The following CLIC6 variants were observed in gnomAD, a reference collection of about 807,000 sequenced individuals.
CLIC6 encodes the protein CLIC family member 6.
In CLIC6, 39 loss-of-function variants were observed where a neutral mutation model predicts 49.2. The ratio of observed to expected loss-of-function variants is 0.79; its 90% CI spans 0.61 to 1.04. The LOEUF (loss-of-function observed/expected upper bound fraction) is 1.04. Ranked by LOEUF, CLIC6 falls within the 50% of genes least tolerant of loss-of-function variation. CLIC6 has a pLI of 0.00. For missense variants in CLIC6, 988 were observed against 993.1 expected (o/e 0.99, Z 0.07); for synonymous variants, 446 against 433.4 (o/e 1.03, Z -0.36).
chr21:34,694,135 A>ATT (rs57210806), intron 1 of CLIC6, among the ~76,000 whole-genome samples: 2,564 of 128,384 alleles, frequency 0.02, 93 homozygotes, highest in African/African-American at 0.062. Flanking sequence ...CGCCTGGTTA[A>ATT]TTTTTTTTTT....
chr21:34,711,203 T>G (rs2056054097), intron 5 of CLIC6, among the ~76,000 whole-genome samples: 1 of 152,188 alleles, frequency 6.6e-6, no homozygotes, highest in African/African-American at 2.4e-5. Flanking sequence ...CATGGACTGT[T>G]TGTTCTAATA....
chr21:34,688,566 C>CA (rs1989927838), intron 1 of CLIC6, among the ~76,000 whole-genome samples: 2 of 152,222 alleles, frequency 1.3e-5, no homozygotes, highest in African/African-American at 4.8e-5. Context: ...TGCTCCACCT[C>CA]AGGTAGCTCC....
chr21:34,669,955 C>G lies in CLIC6; in HGVS notation c.567C>G (p.Ser189Arg). 4.4e-6 allele frequency: 6 copies of G among 1,365,642 alleles called. No individual in the cohort carries two copies. Among genetic ancestry groups the G allele is most frequent in the Non-Finnish European group, 5.6e-6 (6 of 1,069,328 alleles). The allele number at this position is 1,365,642 out of a possible 1,614,324, so 84.6% of individuals were successfully genotyped here. A position where few individuals can be genotyped will look rare whatever the true frequency, so the allele number is the denominator to read the frequency against. The change falls in exon 1 of 6, where the codon AGC becomes AGG. Residue 189 changes from serine (S) to arginine (R), a missense_variant. This residue lies in a region of CLIC6 where 57 missense variants were observed against 117.6 expected (regional missense o/e 0.48). Transcript: ENST00000349499. Reference sequence around the variant, plus strand: ...AGGCGGAGGGCCGGGTGGGGGACAGCGTAGACGCGGAAGGTCCGGCGGGGG... The same window carrying G: ...AGGCGGAGGGCCGGGTGGGGGACAGGGTAGACGCGGAAGGTCCGGCGGGGG... ...SVEAEGRVGD[S>R]VDAEGPAGDS...
rs567562761 is a variant in CLIC6, at chr21:34,669,220, G to A, written c.-169G>A. 6.6e-6 allele frequency among the ~76,000 whole-genome samples: 1 copy of A among 152,330 alleles called. No homozygotes were observed. The highest frequency in any genetic ancestry group is 6.5e-5 in the Admixed American group (1 of 15,312). On this transcript the variant is annotated 5_prime_UTR_variant, in exon 1 of 6. Transcript: ENST00000349499. ...TGGGGCCAAGCGGAGTTTGCCCTGCGGGTCCTGCGCAAGGCCCCAGTGCCC... is the reference window on the plus strand; with the variant it reads ...TGGGGCCAAGCGGAGTTTGCCCTGCAGGTCCTGCGCAAGGCCCCAGTGCCC...
intron 1 of CLIC6, among the ~76,000 whole-genome samples, chr21:34,678,364 C>T (rs562642298): frequency 6.6e-6 from 1 of 151,440 alleles, no homozygotes; most frequent in East Asian, 1.9e-4. Context: ...ATGGCGTGAA[C>T]CCAGGAGGTG....
In CLIC6 at chr21:34,708,691, C is replaced by A. The variant is rs781074998; in HGVS notation, c.1611-9C>A. The A allele has an allele frequency of 1.2e-6, 2 of 1,604,246 alleles. No homozygotes were observed. Among genetic ancestry groups the A allele is most frequent in the African/African-American group, 1.3e-5 (1 of 74,818 alleles). ...TTGTCTGTGATCCTCCAATTTTGAA[C>A]TTTTCAAGGTATCCCAAGCTGGGGA... On this transcript the variant is annotated splice_polypyrimidine_tract_variant and intron_variant, in intron 3 of 5. Transcript: ENST00000349499.
At chr21:34,698,488 GAGGAAGGAAGGAAAGAGGA>G (rs924940380) in intron 1 of CLIC6, among the ~76,000 whole-genome samples, 6 of 151,420 alleles carry the variant, frequency 4.0e-5, no homozygotes, top group Admixed American at 2.0e-4. Flanking sequence ...AGACAGAAGG[GAGGAAGGAAGGAAAGAGGA>G]AGGAAGGAAG....
At chr21:34,683,399 C>T (rs909728935) in intron 1 of CLIC6, among the ~76,000 whole-genome samples, 4 of 152,158 alleles carry the variant, frequency 2.6e-5, no homozygotes, top group African/African-American at 9.7e-5. Context: ...GGTTGTGTCT[C>T]TTGGCCAGAT....
At position 34,670,292 on chromosome 21, in the gene CLIC6, G is replaced by T. The variant is rs1989526624; in HGVS notation, c.904G>T (p.Gly302Cys). ...VSGEPQQSGD[G>C]SLSPQAEAIE... ...GGGTGAGCCGCAGCAATCGGGGGAC[G>T]GCAGCCTCTCGCCCCAGGCCGAGGC... The change falls in exon 1 of 6, where the codon GGC (glycine) becomes TGC (cysteine). Residue 302 changes from glycine (G) to cysteine (C), a missense_variant. By Grantham distance (159) the Gly-to-Cys change is radical (BLOSUM62 -3). Coordinates refer to ENST00000349499, the MANE Select transcript of CLIC6 (RefSeq NM_053277.3). 1.4e-6 allele frequency: 2 copies of T among 1,443,704 alleles called. No homozygotes were observed. Among genetic ancestry groups the T allele is most frequent in the Middle Eastern group, 2.4e-4 (1 of 4,116 alleles). 89.4% of individuals were successfully genotyped at this position (1,443,704 alleles called of 1,614,324 possible).
chr21:34,679,942 A>G (rs1169467818), intron 1 of CLIC6, among the ~76,000 whole-genome samples: 3 of 152,150 alleles, frequency 2.0e-5, no homozygotes, highest in East Asian at 3.9e-4. Flanking sequence ...TGCACAGTGC[A>G]AGCTATTGGT....
intron 1 of CLIC6, among the ~76,000 whole-genome samples, chr21:34,692,665 G>T (rs948716404): frequency 6.6e-6 from 1 of 152,140 alleles, no homozygotes; most frequent in Admixed American, 6.5e-5. Context: ...TTCATATATT[G>T]GTCATTGAAA....
At chr21:34,678,102 C>T (rs1989706330) in intron 1 of CLIC6, among the ~76,000 whole-genome samples, 1 of 148,592 alleles carries the variant, frequency 6.7e-6, no homozygotes, top group South Asian at 2.2e-4. Flanking sequence ...CTCTGTGGAC[C>T]ACAAAGCCCA....
intron 1 of CLIC6, among the ~76,000 whole-genome samples, chr21:34,689,037 A>G (rs1487055887): frequency 2.6e-5 from 4 of 152,102 alleles, no homozygotes; most frequent in Non-Finnish European, 4.4e-5. Context: ...GGGGTGAGGG[A>G]ATGAGGTGGG....
chr21:34,700,027 A>T (rs1224139765), intron 1 of CLIC6, among the ~76,000 whole-genome samples: 1 of 152,050 alleles, frequency 6.6e-6, no homozygotes, highest in Non-Finnish European at 1.5e-5. Flanking sequence ...CTGTTCCTTC[A>T]CTGTACACGT....
chr21:34,707,441 A>C, intron 2 of CLIC6, 52 bp downstream of exon 2: 1 of 602,186 alleles, frequency 1.7e-6, no homozygotes, highest in Non-Finnish European at 3.0e-6. Flanking sequence ...TTCTCTGCAC[A>C]CACACACACA....
intron 1 of CLIC6, among the ~76,000 whole-genome samples, chr21:34,677,954 T>C (rs1251536522): frequency 6.6e-6 from 1 of 152,184 alleles, no homozygotes; most frequent in African/African-American, 2.4e-5. Flanking sequence ...AATTCATGAC[T>C]CATGAAAAAT....
Position 34,708,890 on chromosome 21 carries a change from A to G in CLIC6, c.1717+84A>G, listed in dbSNP as rs572978480. 1,105 of 976,998 alleles carry G rather than the reference A, an allele frequency of 1.1e-3. 25 individuals are homozygous for G. In the South Asian group the frequency reaches 0.015, roughly 13 times the overall value. The allele number at this position is 976,998 out of a possible 1,614,324, so 60.5% of individuals were successfully genotyped here. On this transcript the variant is annotated intron_variant, in intron 4 of 5. Transcript: ENST00000349499. The stretch of plus-strand genomic sequence containing the variant: ...GCCCATACGCTCCTGGGGTATTCCC[A>G]TCTATTTCCCAGTGGGTAGAGAAGT...
intron 1 of CLIC6, among the ~76,000 whole-genome samples, chr21:34,684,286 A>G (rs147669611): frequency 6.7e-4 from 102 of 152,334 alleles, no homozygotes; most frequent in African/African-American, 2.3e-3. Flanking sequence ...AACAACTACT[A>G]TGCAACATGA....
intron 1 of CLIC6, among the ~76,000 whole-genome samples, chr21:34,675,812 G>C (rs536919032): frequency 1.3e-5 from 2 of 152,132 alleles, no homozygotes; most frequent in African/African-American, 2.4e-5. Context: ...ATAGTGGGTC[G>C]GGTGGATGGC....
Sources: gnomAD v4.1 joint callset for allele counts (sites outside exome capture counted in the v4.1 genomes callset) on GRCh38, gnomAD v4.1.1 for gene constraint, gnomAD v4.1.1 regional missense constraint, MANE v1.5 for transcripts, NCBI Gene and HGNC (gene_info 2026-07-23, HGNC 2026-07-21) for gene names.